Variants in SEC22A observed in about 807,000 individuals in gnomAD.
SEC22A encodes the protein vesicle-trafficking protein SEC22a.
In SEC22A, 22 loss-of-function variants were observed where a neutral mutation model predicts 35.3. That is an observed-to-expected ratio of 0.62 (90% CI 0.45 to 0.89). SEC22A has a LOEUF of 0.89. Ranked by LOEUF, SEC22A falls within the 40% of genes least tolerant of loss-of-function variation. SEC22A has a pLI of 0.00. For missense variants in SEC22A, 354 were observed against 362.5 expected (o/e 0.98, Z 0.19); for synonymous variants, 119 against 129.5 (o/e 0.92, Z 0.55).
At chr3:123,226,822 A>G (rs1436338185) in intron 4 of SEC22A, among the ~76,000 whole-genome samples, 1 of 152,150 alleles carries the variant, frequency 6.6e-6, no homozygotes, top group East Asian at 1.9e-4. Context: ...CCCCAATGTT[A>G]TCTTTTAGTA....
chr3:123,206,244 C>T (rs1375191198), intron 1 of SEC22A, among the ~76,000 whole-genome samples: 1 of 152,142 alleles, frequency 6.6e-6, no homozygotes, highest in Non-Finnish European at 1.5e-5. Context: ...TAGGCGTGTG[C>T]CACCATGCCC....
chr3:123,247,794 A>G (rs1402861303), intron 5 of SEC22A, among the ~76,000 whole-genome samples: 1 of 152,234 alleles, frequency 6.6e-6, no homozygotes, highest in African/African-American at 2.4e-5. Flanking sequence ...TTTACAGACC[A>G]TGAATATTGA....
chr3:123,256,622 T>C (rs752151277), intron 5 of SEC22A, among the ~76,000 whole-genome samples: 7 of 152,284 alleles, frequency 4.6e-5, no homozygotes, highest in African/African-American at 1.4e-4. Flanking sequence ...TGTGTCTCCA[T>C]TGGGCTCCCT....
chr3:123,269,216 T>C (rs1020911156), intron 6 of SEC22A, among the ~76,000 whole-genome samples: 3 of 49,884 alleles, frequency 6.0e-5, no homozygotes, highest in Non-Finnish European at 1.5e-4. Context: ...TGTGTGTGTG[T>C]ATATATTACT....
chr3:123,217,848 G>A (rs1159187656), intron 2 of SEC22A, among the ~76,000 whole-genome samples: 2 of 152,308 alleles, frequency 1.3e-5, no homozygotes, highest in Admixed American at 6.5e-5. Context: ...GCTCCTGGCA[G>A]GCAGGGACTA....
intron 2 of SEC22A, among the ~76,000 whole-genome samples, chr3:123,219,415 T>G (rs757564350): frequency 4.6e-5 from 7 of 152,244 alleles, no homozygotes; most frequent in Non-Finnish European, 1.0e-4. Context: ...GATAATTGGT[T>G]AATCTATACT....
intron 5 of SEC22A, among the ~76,000 whole-genome samples, chr3:123,249,356 ACTT>A (rs1162051647): frequency 1.3e-5 from 2 of 152,066 alleles, no homozygotes; most frequent in African/African-American, 4.8e-5. Flanking sequence ...TGGGAGTAGG[ACTT>A]AAAGTTATTA....
chr3:123,217,656 CA>C (rs1444734769), intron 2 of SEC22A, among the ~76,000 whole-genome samples: 1 of 152,040 alleles, frequency 6.6e-6, no homozygotes, highest in African/African-American at 2.4e-5. Flanking sequence ...TATAGTGGCA[CA>C]ATTATAGCAT....
chr3:123,238,700 TCTCAG>T (rs1393717881), intron 4 of SEC22A, among the ~76,000 whole-genome samples: 1 of 152,206 alleles, frequency 6.6e-6, no homozygotes, highest in Non-Finnish European at 1.5e-5. Flanking sequence ...AGTATCTTAC[TCTCAG>T]TATCTTTTTT....
intron 4 of SEC22A, among the ~76,000 whole-genome samples, chr3:123,239,486 C>G (rs1937486022): frequency 6.6e-6 from 1 of 152,016 alleles, no homozygotes. Flanking sequence ...GTGATGTTCC[C>G]CTTCCTGTGT....
chr3:123,257,995 GAAA>G (rs61068587), intron 5 of SEC22A, among the ~76,000 whole-genome samples: 2 of 111,484 alleles, frequency 1.8e-5, no homozygotes, highest in African/African-American at 3.1e-5. Context: ...CCATCTCATT[GAAA>G]AAAAAAAAAA....
chr3:123,261,127 G>A (rs368420109), intron 6 of SEC22A, among the ~76,000 whole-genome samples: 5 of 151,708 alleles, frequency 3.3e-5, no homozygotes, highest in Non-Finnish European at 7.4e-5. Flanking sequence ...GAGCCACCGC[G>A]CCTGACCAAA....
At chr3:123,267,943 T>C (rs548642841) in intron 6 of SEC22A, among the ~76,000 whole-genome samples, 8 of 152,334 alleles carry the variant, frequency 5.3e-5, no homozygotes, top group African/African-American at 1.9e-4. Context: ...TTGTTACCGA[T>C]GAGAAATGAA....
chr3:123,209,561 CTT>C (rs1159452374), intron 2 of SEC22A, among the ~76,000 whole-genome samples, 162 bp downstream of exon 2: 1 of 152,174 alleles, frequency 6.6e-6, no homozygotes, highest in African/African-American at 2.4e-5. Context: ...CAGCAGCAGC[CTT>C]TTTGTAGTTT....
At chr3:123,245,563 G>A (rs1453345716) in intron 4 of SEC22A, among the ~76,000 whole-genome samples, 1 of 152,074 alleles carries the variant, frequency 6.6e-6, no homozygotes, top group Non-Finnish European at 1.5e-5. Context: ...GCCAGGCATG[G>A]TGGCACGTGC....
chr3:123,245,789 A>G (rs528370908), intron 4 of SEC22A, 110 bp from the exon 5 acceptor site: 95 of 643,452 alleles, frequency 1.5e-4, no homozygotes, highest in African/African-American at 1.3e-3. Flanking sequence ...AAATAATTCT[A>G]TGAAGTATCT....
chr3:123,228,556 C>A (rs577673525), intron 4 of SEC22A, among the ~76,000 whole-genome samples: 1 of 140,660 alleles, frequency 7.1e-6, no homozygotes, highest in Non-Finnish European at 1.5e-5. Flanking sequence ...GCCTGGGCAA[C>A]GAGAGCGAAA....
At position 123,252,440 on chromosome 3, in the gene SEC22A, C is replaced by T. The variant is rs191231397; in HGVS notation, c.657+6426C>T. ...CACAATGTTAGAGGAGGGGGAAGGG[C>T]AGTACCCCAGATTGAGTGGGCTTAC... On this transcript the variant is annotated intron_variant, in intron 5 of 6. Coordinates refer to ENST00000492595, the MANE Select transcript of SEC22A (RefSeq NM_012430.5). 1.2e-4 allele frequency among the ~76,000 whole-genome samples: 18 copies of T among 152,200 alleles called. No homozygotes were observed. The East Asian group carries it at 3.3e-3, about 28-fold the overall frequency.
intron 5 of SEC22A, among the ~76,000 whole-genome samples, chr3:123,247,165 CAAAA>C (rs1273079315): frequency 6.6e-6 from 1 of 151,986 alleles, no homozygotes; most frequent in Non-Finnish European, 1.5e-5. Flanking sequence ...GATGACCTAA[CAAAA>C]AGAAGAAACA....
Sources: gnomAD v4.1 joint callset for allele counts (sites outside exome capture counted in the v4.1 genomes callset) on GRCh38, gnomAD v4.1.1 for gene constraint, MANE v1.5 for transcripts, NCBI Gene and HGNC (gene_info 2026-07-23, HGNC 2026-07-21) for gene names.